GNB4: variants seen among roughly 807,000 people sequenced by gnomAD.
GNB4 encodes guanine nucleotide-binding protein subunit beta-4.
In GNB4, 28 loss-of-function variants were observed where a neutral mutation model predicts 45.2. That is an observed-to-expected ratio of 0.62 (90% CI 0.46 to 0.85). GNB4 has a LOEUF of 0.85. GNB4 is among the 40% of genes least tolerant of loss of function. GNB4 has a pLI of 0.00. For missense variants in GNB4, 321 were observed against 425.4 expected (o/e 0.75, Z 2.16); for synonymous variants, 132 against 143.7 (o/e 0.92, Z 0.58).
At chr3:179,512,738 T>A in the GNB4 span, among the ~76,000 whole-genome samples, 2 of 152,186 alleles carry the variant, frequency 1.3e-5, no homozygotes, top group Admixed American at 1.3e-4. Context: ...ATATGCATTG[T>A]GAAGTGTAAT....
the GNB4 span, among the ~76,000 whole-genome samples, chr3:179,511,589 C>T: frequency 2.0e-5 from 3 of 152,160 alleles, no homozygotes; most frequent in Admixed American, 2.0e-4. Context: ...ACTCAGTAAG[C>T]ACTTAACATC....
chr3:179,474,561 T>C, the GNB4 span, among the ~76,000 whole-genome samples: 112 of 151,928 alleles, frequency 7.4e-4, no homozygotes, highest in African/African-American at 2.5e-3. Flanking sequence ...TACACCTGAT[T>C]TAAATAGAGA....
the GNB4 span, among the ~76,000 whole-genome samples, chr3:179,519,141 T>G: frequency 6.6e-6 from 1 of 152,202 alleles, no homozygotes; most frequent in African/African-American, 2.4e-5. Context: ...TTGCTACAAG[T>G]GCCAGAAATA....
the GNB4 span, among the ~76,000 whole-genome samples, chr3:179,491,264 A>G: frequency 4.6e-5 from 7 of 152,208 alleles, no homozygotes; most frequent in Admixed American, 1.3e-4. Context: ...ACAATAATAC[A>G]TAAGAGAATA....
At chr3:179,408,391 C>G (rs1714540750) in intron 8 of GNB4, among the ~76,000 whole-genome samples, 1 of 151,994 alleles carries the variant, frequency 6.6e-6, no homozygotes, top group Non-Finnish European at 1.5e-5. Flanking sequence ...ATATCCTGAA[C>G]AATAAGATGA....
the GNB4 span, among the ~76,000 whole-genome samples, chr3:179,487,277 A>G: frequency 1.3e-5 from 2 of 152,232 alleles, no homozygotes; most frequent in African/African-American, 2.4e-5. Context: ...AAGATTATAC[A>G]ATCATAGTCT....
intron 1 of GNB4, among the ~76,000 whole-genome samples, chr3:179,435,810 A>G (rs1715431827): frequency 6.6e-6 from 1 of 152,236 alleles, no homozygotes; most frequent in South Asian, 2.1e-4. Context: ...CCAGTTACAA[A>G]TATCAAAAGA....
At chr3:179,503,906 G>T in the GNB4 span, among the ~76,000 whole-genome samples, 333 of 152,240 alleles carry the variant, frequency 2.2e-3, 1 homozygote, top group South Asian at 0.012. Flanking sequence ...CTACTCCTGA[G>T]CCTCTGCATT....
chr3:179,435,210 C>T (rs1715411724), intron 1 of GNB4, among the ~76,000 whole-genome samples: 1 of 152,074 alleles, frequency 6.6e-6, no homozygotes, highest in African/African-American at 2.4e-5. Flanking sequence ...CATCTTAAGA[C>T]CTCTTTGCTC....
intron 8 of GNB4, among the ~76,000 whole-genome samples, chr3:179,409,183 TC>T (rs891141781): frequency 4.0e-4 from 60 of 150,020 alleles, no homozygotes; most frequent in Middle Eastern, 3.4e-3. Flanking sequence ...TTTAAAAAGT[TC>T]CAAATCAATG....
chr3:179,411,783 G>C (rs575614112), intron 8 of GNB4, among the ~76,000 whole-genome samples: 1 of 152,330 alleles, frequency 6.6e-6, no homozygotes, highest in South Asian at 2.1e-4. Flanking sequence ...TGTAAAAAAA[G>C]TGACTTTCAA....
At chr3:179,464,806 T>G in the GNB4 span, 13 of 1,349,174 alleles carry the variant, frequency 9.6e-6, no homozygotes, top group Non-Finnish European at 1.4e-5. Flanking sequence ...ACAAGGATGC[T>G]GATGGCTTTC....
At chr3:179,472,699 G>T in the GNB4 span, among the ~76,000 whole-genome samples, 5 of 152,014 alleles carry the variant, frequency 3.3e-5, no homozygotes, top group African/African-American at 9.7e-5. Context: ...AAAAGAAAAC[G>T]TTTAAGTAAC....
rs558633928 is a variant in GNB4, at chr3:179,411,652, T to C, written c.699+1760A>G. 2.4e-4 allele frequency among the ~76,000 whole-genome samples: 37 copies of C among 152,336 alleles called. 1 individual carries two copies. Among genetic ancestry groups the C allele is most frequent in the South Asian group, 1.9e-3 (9 of 4,828 alleles). On this transcript the variant is annotated intron_variant, in intron 8 of 9. Coordinates refer to ENST00000232564, the MANE Select transcript of GNB4 (RefSeq NM_021629.4). ...TTGATAAAAGTAATGGGCTGAGAGA[T>C]AGAGAGGGTTAACTTTGCCTGCTCT...
chr3:179,418,470 CAAAAAAAAAAA>C (rs386356535), intron 4 of GNB4, among the ~76,000 whole-genome samples: 1 of 95,402 alleles, frequency 1.0e-5, no homozygotes, highest in Admixed American at 1.2e-4. Context: ...AACTCTGTCT[CAAAAAAAAAAA>C]AAAAAAAGAA....
chr3:179,468,035 A>AAAAAAAAATATATATATATATAT, the GNB4 span, among the ~76,000 whole-genome samples: 28 of 89,858 alleles, frequency 3.1e-4, 1 homozygote, highest in African/African-American at 1.0e-3. Flanking sequence ...TGTTGATAAA[A>AAAAAAAAATATATATATATATAT]ATATATATAT....
intron 8 of GNB4, among the ~76,000 whole-genome samples, chr3:179,413,111 G>A (rs1714696634): frequency 2.6e-5 from 4 of 152,130 alleles, no homozygotes; most frequent in South Asian, 2.1e-4. Flanking sequence ...CCAGGAGGTC[G>A]AGGCTGCAGT....
intron 1 of GNB4, chr3:179,451,018 G>A (rs573887049): frequency 6.6e-6 from 1 of 152,396 alleles, no homozygotes; most frequent in South Asian, 2.1e-4. Context: ...CTCGGGGAGT[G>A]ACGAGAAACC....
At chr3:179,483,445 G>A in the GNB4 span, among the ~76,000 whole-genome samples, 6 of 152,046 alleles carry the variant, frequency 3.9e-5, no homozygotes, top group Admixed American at 3.9e-4. Context: ...TAAAGGCACA[G>A]GTCTTGAAAA....
Sources: gnomAD v4.1 joint callset for allele counts (sites outside exome capture counted in the v4.1 genomes callset) on GRCh38, gnomAD v4.1.1 for gene constraint, MANE v1.5 for transcripts, NCBI Gene and HGNC (gene_info 2026-07-23, HGNC 2026-07-21) for gene names.